The following KCNG2 variants were observed in gnomAD, a reference collection of about 807,000 sequenced individuals.
KCNG2 encodes the protein voltage-gated potassium channel regulatory subunit KCNG2.
In KCNG2, 7 loss-of-function variants were observed where a neutral mutation model predicts 12.3. The observed-to-expected ratio is 0.57, with a 90% CI of 0.32 to 1.07. The LOEUF is 1.07. Ranked by LOEUF, KCNG2 falls within the 50% of genes least tolerant of loss-of-function variation. The pLI, the probability that KCNG2 is intolerant of heterozygous loss-of-function variation, is 0.04. For synonymous variants in KCNG2, 414 were observed against 351.4 expected (o/e 1.18, Z -1.99); for missense variants, 703 against 726.0 (o/e 0.97, Z 0.36).
At chr18:79,819,655 G>T (rs1039957848) in intron 1 of KCNG2, among the ~76,000 whole-genome samples, 6 of 152,244 alleles carry the variant, frequency 3.9e-5, no homozygotes, top group Admixed American at 1.3e-4. Flanking sequence ...GGCTGCAATA[G>T]AGGCCGTCCA....
chr18:79,802,233 C>T (rs971845571), intron 1 of KCNG2, among the ~76,000 whole-genome samples: 1 of 152,238 alleles, frequency 6.6e-6, no homozygotes, highest in Non-Finnish European at 1.5e-5. Context: ...GGGATCCTTT[C>T]ACCTTTTCTC....
At chr18:79,813,256 T>G (rs1207933172) in intron 1 of KCNG2, among the ~76,000 whole-genome samples, 1 of 152,212 alleles carries the variant, frequency 6.6e-6, no homozygotes, top group Non-Finnish European at 1.5e-5. Flanking sequence ...ATTAGGAAAT[T>G]GAATCCAGCA....
intron 3 of KCNG2, among the ~76,000 whole-genome samples, chr18:79,892,691 G>A (rs1980787258): frequency 1.3e-5 from 2 of 151,442 alleles, no homozygotes; most frequent in South Asian, 2.1e-4. Context: ...GCTTTTGATG[G>A]GGTTGTTCAC....
In KCNG2 at chr18:79,899,892, T is replaced by G; in HGVS notation, c.*76T>G. The G allele has an allele frequency of 2.4e-6, 3 of 1,246,466 alleles. No homozygotes were observed. Among genetic ancestry groups the G allele is most frequent in the Non-Finnish European group, 3.0e-6 (3 of 986,080 alleles). 77.2% of individuals were successfully genotyped at this position (1,246,466 alleles called of 1,614,324 possible). Reference sequence around the variant, plus strand: ...GGGACCCCCGAGGTGCGCCAAGGGGTGGGGGGCGTCTGGCCTGGGGGAGCG... The same window carrying G: ...GGGACCCCCGAGGTGCGCCAAGGGGGGGGGGGCGTCTGGCCTGGGGGAGCG... On this transcript the variant is annotated 3_prime_UTR_variant, in exon 4 of 4. Transcript: ENST00000316249.
At chr18:79,885,558 G>C (rs1253876023) in intron 3 of KCNG2, among the ~76,000 whole-genome samples, 2 of 152,196 alleles carry the variant, frequency 1.3e-5, no homozygotes, top group African/African-American at 4.8e-5. Flanking sequence ...CAGCCCGGGC[G>C]CTCCTGCCCC....
In KCNG2 at chr18:79,822,258, G is replaced by T. The variant is rs984917173; in HGVS notation, c.-115+24244G>T. Among the ~76,000 whole-genome samples, 3 of 152,142 alleles carry T rather than the reference G, an allele frequency of 2.0e-5. No homozygotes were observed. Among genetic ancestry groups the T allele is most frequent in the Non-Finnish European group, 4.4e-5 (3 of 68,038 alleles). Reference sequence around the variant, plus strand: ...CCTCCAGTGTTGGCAGAATGGTCCAGACCAGGGATTCCCACTGGCCCCGCC... The same window carrying T: ...CCTCCAGTGTTGGCAGAATGGTCCATACCAGGGATTCCCACTGGCCCCGCC... On this transcript the variant is annotated intron_variant, in intron 1 of 3. Coordinates refer to ENST00000316249, the MANE Select transcript of KCNG2 (RefSeq NM_012283.2). This position sits in a 1 kb window ranked among gnomAD's most constrained non-coding sequence, Gnocchi z 4.4.
chr18:79,833,465 T>G (rs1164294145), intron 1 of KCNG2, among the ~76,000 whole-genome samples: 1 of 152,226 alleles, frequency 6.6e-6, no homozygotes, highest in Non-Finnish European at 1.5e-5. Flanking sequence ...GATTTGACTG[T>G]TATAGTTGTT....
intron 3 of KCNG2, among the ~76,000 whole-genome samples, chr18:79,868,058 C>CA (rs888711757): frequency 1.3e-5 from 2 of 152,226 alleles, no homozygotes; most frequent in African/African-American, 4.8e-5. Context: ...ATCGTGCTTC[C>CA]AAAAGGTGCT....
At chr18:79,828,578 C>G (rs1331693172) in intron 1 of KCNG2, among the ~76,000 whole-genome samples, 2 of 151,402 alleles carry the variant, frequency 1.3e-5, no homozygotes, top group East Asian at 3.9e-4. Context: ...TGTCTGTGTG[C>G]ATGTGTCTGC....
Position 79,865,944 on chromosome 18 carries a change from G to A in KCNG2, c.624+1653G>A, listed in dbSNP as rs533075157. Among the ~76,000 whole-genome samples, 38 of 135,032 alleles carry A rather than the reference G, an allele frequency of 2.8e-4. 1 individual carries two copies. The South Asian group carries it at 9.3e-3, about 33-fold the overall frequency. The allele number at this position is 135,032 out of a possible 152,430, so 88.6% of individuals were successfully genotyped here. A position where few individuals can be genotyped will look rare whatever the true frequency, so the allele number is the denominator to read the frequency against. ...GAGATCTGGGTGCTGAGGTCTGGAT[G>A]CTGAGAGGTCTGTGTGCTGAGAGGA... On this transcript the variant is annotated intron_variant, in intron 3 of 3. Coordinates refer to ENST00000316249, the MANE Select transcript of KCNG2 (RefSeq NM_012283.2).
chr18:79,801,301 CTG>C lies in KCNG2; in HGVS notation c.-115+3292_-115+3293del, dbSNP rs2087407960. On this transcript the variant is annotated intron_variant, in intron 1 of 3. Coordinates refer to ENST00000316249, the MANE Select transcript of KCNG2 (RefSeq NM_012283.2). ...CCTTTGTCAATTAAGGAAGCTGAGA[CTG>C]TGTGAGAACCGGTACCTGTGAAGGC... Among the ~76,000 whole-genome samples, 5 of 152,376 alleles carry C rather than the reference CTG, an allele frequency of 3.3e-5. No individual in the cohort carries two copies. The South Asian group carries it at 8.3e-4, about 25-fold the overall frequency.
At chr18:79,876,773 G>A (rs1260999169) in intron 3 of KCNG2, among the ~76,000 whole-genome samples, 3 of 152,240 alleles carry the variant, frequency 2.0e-5, no homozygotes, top group Admixed American at 2.0e-4. Flanking sequence ...GCCAGGCCCG[G>A]GCCACCAACT....
intron 1 of KCNG2, among the ~76,000 whole-genome samples, chr18:79,830,439 C>T (rs1412108068): frequency 6.6e-6 from 1 of 152,252 alleles, no homozygotes; most frequent in Non-Finnish European, 1.5e-5. Flanking sequence ...AACTGTCACA[C>T]TTAAAATACC....
chr18:79,889,185 G>A (rs1315407096), intron 3 of KCNG2, among the ~76,000 whole-genome samples: 1 of 152,122 alleles, frequency 6.6e-6, no homozygotes, highest in African/African-American at 2.4e-5. Flanking sequence ...AATTTTTTGT[G>A]CTTTTGATGC....
In KCNG2 at chr18:79,899,156, G is replaced by T; in HGVS notation, c.741G>T (p.Leu247=). The T allele has an allele frequency of 6.2e-7, 1 of 1,607,036 alleles. No individual in the cohort carries two copies. ...AGGCCGAGAGCAAGTGCGCCTTCCT[G>T]CGCGCGCCACTCAACATCATTGACA... is the stretch of plus-strand genomic sequence containing the variant. The part of the protein sequence containing the change: ...SLQAESKCAF[L]RAPLNIIDIL... Residue 247 remains leucine, a synonymous_variant, in exon 4 of 4, where the codon CTG becomes CTT. Coordinates refer to ENST00000316249, the MANE Select transcript of KCNG2 (RefSeq NM_012283.2).
At chr18:79,817,568 GCA>G (rs1208287276) in intron 1 of KCNG2, among the ~76,000 whole-genome samples, 2 of 152,254 alleles carry the variant, frequency 1.3e-5, no homozygotes, top group African/African-American at 4.8e-5. Flanking sequence ...CACATGGTTT[GCA>G]CACACAGTTC....
chr18:79,893,441 G>T (rs916085876), intron 3 of KCNG2, among the ~76,000 whole-genome samples: 22 of 151,278 alleles, frequency 1.5e-4, no homozygotes, highest in Non-Finnish European at 1.8e-4. Context: ...CTTTTGATTG[G>T]GTTGTTCACT....
chr18:79,867,726 C>T (rs1202102932), intron 3 of KCNG2, among the ~76,000 whole-genome samples: 2 of 152,076 alleles, frequency 1.3e-5, no homozygotes, highest in African/African-American at 4.8e-5. Context: ...AGTCTCCCTG[C>T]GTTTTCCGAT....
At chr18:79,824,986 A>T (rs12968863) in intron 1 of KCNG2, among the ~76,000 whole-genome samples, 14,079 of 152,238 alleles carry the variant, frequency 0.092, 1,054 homozygotes, top group South Asian at 0.29. Flanking sequence ...TGAACTAGAG[A>T]GCTTTCCTTC....
Sources: gnomAD v4.1 joint callset for allele counts (sites outside exome capture counted in the v4.1 genomes callset) on GRCh38, gnomAD v4.1.1 for gene constraint, Gnocchi (gnomAD v3.1) non-coding constraint, MANE v1.5 for transcripts, NCBI Gene and HGNC (gene_info 2026-07-23, HGNC 2026-07-21) for gene names.